Variants in MED25 observed in about 807,000 individuals in gnomAD.
MED25 encodes the protein mediator complex subunit 25, also known as mediator of RNA polymerase II transcription subunit 25.
Under a neutral mutation model 89.4 loss-of-function variants are expected in MED25, and 62 were observed. The ratio of observed to expected loss-of-function variants is 0.69; its 90% CI spans 0.57 to 0.86. The LOEUF (loss-of-function observed/expected upper bound fraction) is 0.86. Among genes scored for constraint, MED25 ranks in the 40% least tolerant of loss-of-function variants. The probability of loss-of-function intolerance (pLI) is 0.00; values close to 1 mark genes in which losing one functional copy is unlikely to be tolerated. For synonymous variants in MED25, 449 were observed against 427.9 expected (o/e 1.05, Z -0.61); for missense variants, 905 against 1,005.2 (o/e 0.90, Z 1.35).
downstream of MED25, chr19:49,838,314 A>G: frequency 2.9e-6 from 1 of 347,626 alleles, no homozygotes; most frequent in Non-Finnish European, 5.7e-6. Flanking sequence ...ACGCACACAC[A>G]CAAAATCTGC....
chr19:49,825,310 A>C lies in MED25; in HGVS notation c.306-3139A>C, dbSNP rs192678223. On this transcript the variant is annotated intron_variant, in intron 3 of 17. Transcript: ENST00000312865. ...CTCTCCCAGGCTGGAGTGCAGTGGC[A>C]TGATCTCAGCTCACTACAACCTCTG... 8.5e-4 allele frequency among the ~76,000 whole-genome samples: 130 copies of C among 152,102 alleles called. 4 individuals are homozygous for C. The East Asian group carries it at 0.022, about 26-fold the overall frequency.
chr19:49,836,104 C>G lies in MED25; in HGVS notation c.1966-122C>G. The stretch of plus-strand genomic sequence containing the variant: ...GGCAGACCGCCTCCTCTCCGTCCAT[C>G]CCCCACCTTTGAAGAAAAACTTCCC... On this transcript the variant is annotated intron_variant, in intron 16 of 17. Coordinates refer to ENST00000312865, the MANE Select transcript of MED25 (RefSeq NM_030973.4). This position sits in a 1 kb window ranked among gnomAD's most constrained non-coding sequence, Gnocchi z 5.1. The G allele has an allele frequency of 6.6e-7, 1 of 1,510,114 alleles. No individual in the cohort carries two copies. Among genetic ancestry groups the G allele is most frequent in the Non-Finnish European group, 9.0e-7 (1 of 1,108,976 alleles). 93.5% of individuals were successfully genotyped at this position (1,510,114 alleles called of 1,614,324 possible). A position where few individuals can be genotyped will look rare whatever the true frequency, so the allele number is the denominator to read the frequency against.
In MED25 at chr19:49,830,378, G is replaced by A. The variant is rs78820745; in HGVS notation, c.820-133G>A. The stretch of plus-strand genomic sequence containing the variant: ...GGGGCCATGGAAGCTCATGTGCTGT[G>A]TGATGGGTGTTGTGAGCTAAGCTAT... On this transcript the variant is annotated intron_variant, in intron 7 of 17. Coordinates refer to ENST00000312865, the MANE Select transcript of MED25 (RefSeq NM_030973.4). The surrounding 1 kb of genome is among the most constrained non-coding windows in gnomAD (Gnocchi z 4.6). The A allele has an allele frequency of 3.5e-6, 4 of 1,148,004 alleles. No individual in the cohort carries two copies. The highest frequency in any genetic ancestry group is 5.1e-6 in the Non-Finnish European group (4 of 782,870). The allele number at this position is 1,148,004 out of a possible 1,614,324, so 71.1% of individuals were successfully genotyped here.
chr19:49,820,878 G>A (rs1056789929), intron 3 of MED25, among the ~76,000 whole-genome samples: 1 of 152,250 alleles, frequency 6.6e-6, no homozygotes, highest in Admixed American at 6.5e-5. Flanking sequence ...AGACCCAGGA[G>A]TCTGTCCCCT....
chr19:49,832,571 C>T (rs535700454), intron 13 of MED25, among the ~76,000 whole-genome samples, 156 bp downstream of exon 13: 12 of 152,186 alleles, frequency 7.9e-5, no homozygotes, highest in African/African-American at 2.6e-4. Context: ...CTTCTAGAGC[C>T]GTGACTTTTA....
At position 49,829,815 on chromosome 19, in the gene MED25, C is replaced by T. The variant is rs1407317880; in HGVS notation, c.555C>T (p.Pro185=). The change falls in exon 6 of 18, where the codon CCC becomes CCT. Residue 185 remains proline, a synonymous_variant. Transcript: ENST00000312865. This position sits in a 1 kb window ranked among gnomAD's most constrained non-coding sequence, Gnocchi z 4.6. Reference sequence around the variant, plus strand: ...GGATCCACTTCTCCATTGTGTCTCCCCGGAAGCTGCCTGCGCTTCGGCTTC... The same window carrying T: ...GGATCCACTTCTCCATTGTGTCTCCTCGGAAGCTGCCTGCGCTTCGGCTTC... ...ERGIHFSIVS[P]RKLPALRLLF... 1 of 1,603,444 alleles carries T rather than the reference C, an allele frequency of 6.2e-7. No homozygotes were observed. Among genetic ancestry groups the T allele is most frequent in the East Asian group, 2.3e-5 (1 of 44,248 alleles).
chr19:49,821,746 G>T (rs182795433), intron 3 of MED25, among the ~76,000 whole-genome samples: 1 of 150,530 alleles, frequency 6.6e-6, no homozygotes, highest in Non-Finnish European at 1.5e-5. Flanking sequence ...AACCTGGGAG[G>T]TGGAGGTTGC....
At position 49,835,306 on chromosome 19, in the gene MED25, C is replaced by A; in HGVS notation, c.1674+129C>A. 1 of 1,119,292 alleles carries A rather than the reference C, an allele frequency of 8.9e-7. No individual in the cohort carries two copies. Among genetic ancestry groups the A allele is most frequent in the East Asian group, 2.4e-5 (1 of 40,982 alleles). The allele number at this position is 1,119,292 out of a possible 1,614,324, so 69.3% of individuals were successfully genotyped here. A position where few individuals can be genotyped will look rare whatever the true frequency, so the allele number is the denominator to read the frequency against. The stretch of plus-strand genomic sequence containing the variant: ...TATGTGGTGCCTCCAAGCTAAGTCC[C>A]ACTCAGATTTTCTTGCAGTCTCTCT... On this transcript the variant is annotated intron_variant, in intron 14 of 17. Transcript: ENST00000312865. The surrounding 1 kb of genome is among the most constrained non-coding windows in gnomAD (Gnocchi z 6.2).
Position 49,829,026 on chromosome 19 carries a change from C to T in MED25, c.461C>T (p.Pro154Leu), listed in dbSNP as rs763807351. Residue 154 changes from proline (P) to leucine (L), a missense_variant, in exon 5 of 18, where the codon CCT (proline) becomes CTT (leucine). Coordinates refer to ENST00000312865, the MANE Select transcript of MED25 (RefSeq NM_030973.4). This position sits in a 1 kb window ranked among gnomAD's most constrained non-coding sequence, Gnocchi z 4.6. ...TGCAACTCACCCCCATACTTGTTGC[C>T]TGCTGTTGAGAGCACCACGTACTCT... Reference protein sequence around the residue: ...LICNSPPYLLPAVESTTYSGC... With the variant: ...LICNSPPYLLLAVESTTYSGC... 2 of 1,613,994 alleles carry T rather than the reference C, an allele frequency of 1.2e-6. No homozygotes were observed. Among genetic ancestry groups the T allele is most frequent in the African/African-American group, 1.3e-5 (1 of 74,888 alleles).
In MED25 at chr19:49,831,595, G is replaced by A; in HGVS notation, c.1230+134G>A. ...GGCATTCGTTGCGCTGGACCTGTGG[G>A]ATGCGGGGCGAGGCCAGGAGCCCCA... is the stretch of plus-strand genomic sequence containing the variant. On this transcript the variant is annotated intron_variant, in intron 10 of 17. Coordinates refer to ENST00000312865, the MANE Select transcript of MED25 (RefSeq NM_030973.4). This position sits in a 1 kb window ranked among gnomAD's most constrained non-coding sequence, Gnocchi z 5.0. The A allele has an allele frequency of 8.4e-7, 1 of 1,188,020 alleles. No individual in the cohort carries two copies. The highest frequency in any genetic ancestry group is 1.2e-6 in the Non-Finnish European group (1 of 856,828). 73.6% of individuals were successfully genotyped at this position (1,188,020 alleles called of 1,614,324 possible).
In MED25 at chr19:49,831,753, C is replaced by T. The variant is rs921978923; in HGVS notation, c.1231-183C>T. On this transcript the variant is annotated intron_variant, in intron 10 of 17. Coordinates refer to ENST00000312865, the MANE Select transcript of MED25 (RefSeq NM_030973.4). This position sits in a 1 kb window ranked among gnomAD's most constrained non-coding sequence, Gnocchi z 5.0. ...ACAGTGGATGGTGGGATTTAGGGGC[C>T]GGGCACGTAGCTGTAACATTTGAGG... Among the ~76,000 whole-genome samples the T allele has an allele frequency of 5.9e-5, 9 of 152,022 alleles. No homozygotes were observed. The highest frequency in any genetic ancestry group is 1.9e-4 in the East Asian group (1 of 5,168).
chr19:49,819,220 G>C lies in MED25; in HGVS notation c.229G>C (p.Ala77Pro), dbSNP rs1290551836. ...CGTGGTGTTCAACACAGTGGACTGC[G>C]CTCCCGAGTCCTACGTACAATGTCA... ...SLVVFNTVDC[A>P]PESYVQCHAP... Residue 77 changes from alanine to proline, a missense_variant, in exon 3 of 18, where the codon GCT (alanine) becomes CCT (proline). Transcript: ENST00000312865. 3 of 1,614,078 alleles carry C rather than the reference G, an allele frequency of 1.9e-6. No homozygotes were observed. Among genetic ancestry groups the C allele is most frequent in the African/African-American group, 1.3e-5 (1 of 74,934 alleles).
At chr19:49,818,836 G>A in intron 2 of MED25, 1 of 612,276 alleles carries the variant, frequency 1.6e-6, no homozygotes, top group East Asian at 2.8e-5. Flanking sequence ...CGAGGGAGGA[G>A]GGAGCTAGGG....
Position 49,834,927 on chromosome 19 carries a change from G to A in MED25, c.1483-59G>A. The A allele has an allele frequency of 4.4e-6, 7 of 1,573,694 alleles. No homozygotes were observed. Among genetic ancestry groups the A allele is most frequent in the Non-Finnish European group, 4.4e-6 (5 of 1,145,986 alleles). ...CTCTAGAGCCTTCTGGAATGGGGAG[G>A]GGGTCAGGGCTGCCTCTTTCAGGGC... On this transcript the variant is annotated intron_variant, in intron 13 of 17. Coordinates refer to ENST00000312865, the MANE Select transcript of MED25 (RefSeq NM_030973.4). The surrounding 1 kb of genome is among the most constrained non-coding windows in gnomAD (Gnocchi z 4.1).
chr19:49,828,390 G>A (rs2074029273), intron 3 of MED25, 59 bp from the exon 4 acceptor site: 6 of 1,190,048 alleles, frequency 5.0e-6, no homozygotes, highest in Middle Eastern at 2.1e-4. Flanking sequence ...GGCTCTTCAA[G>A]CATAGCCTGG....
Position 49,831,215 on chromosome 19 carries a change from G to T in MED25, c.1102-118G>T. The T allele has an allele frequency of 8.6e-7, 1 of 1,161,752 alleles. No individual in the cohort carries two copies. 72.0% of individuals were successfully genotyped at this position (1,161,752 alleles called of 1,614,324 possible). A position where few individuals can be genotyped will look rare whatever the true frequency, so the allele number is the denominator to read the frequency against. On this transcript the variant is annotated intron_variant, in intron 9 of 17. Transcript: ENST00000312865. This position sits in a 1 kb window ranked among gnomAD's most constrained non-coding sequence, Gnocchi z 5.0. ...CCTGCGGCTGGCCAAGTGCTGTTCT[G>T]GGGATGGAGGGGCAGAAGAAGGGAT...
At position 49,836,630 on chromosome 19, in the gene MED25, C is replaced by T. The variant is rs1419563054; in HGVS notation, c.2147-217C>T. ...TTCCCATGATCCTCCTGTGTGTGCT[C>T]CTGGGATTGCTGGGAAATGTGGTCT... On this transcript the variant is annotated intron_variant, in intron 17 of 17. Transcript: ENST00000312865. This position sits in a 1 kb window ranked among gnomAD's most constrained non-coding sequence, Gnocchi z 5.1. The T allele has an allele frequency of 1.3e-6, 1 of 743,786 alleles. No individual in the cohort carries two copies. Among genetic ancestry groups the T allele is most frequent in the Non-Finnish European group, 2.4e-6 (1 of 414,732 alleles). 46.1% of individuals were successfully genotyped at this position (743,786 alleles called of 1,614,324 possible).
chr19:49,832,444 G>A (rs779036345), intron 13 of MED25, 29 bp downstream of exon 13: 1 of 1,290,706 alleles, frequency 7.7e-7, no homozygotes, highest in Non-Finnish European at 1.1e-6. Context: ...GGGCCGAGGG[G>A]TGTTGACTCT....
rs1458825800 is a variant in MED25, at chr19:49,828,440, C to T, written c.306-9C>T. ...GCAACCCTGGGGGCTGACCGCTCTG[C>T]CCCTGCAGGTTCATGGGCGGGGGTG... On this transcript the variant is annotated splice_polypyrimidine_tract_variant and intron_variant, in intron 3 of 17. Transcript: ENST00000312865. 16 of 1,607,688 alleles carry T rather than the reference C, an allele frequency of 1.0e-5. No individual in the cohort carries two copies. The highest frequency in any genetic ancestry group is 1.7e-5 in the Admixed American group (1 of 59,996).
Sources: allele counts gnomAD v4.1 joint callset (sites outside exome capture counted in the v4.1 genomes callset), GRCh38; gene constraint gnomAD v4.1.1; non-coding constraint Gnocchi (gnomAD v3.1); transcripts MANE v1.5; gene names NCBI Gene and HGNC (gene_info 2026-07-23, HGNC 2026-07-21).